Variants in IL23R observed in about 807,000 individuals in gnomAD.
The protein encoded by IL23R is interleukin-23 receptor.
In IL23R, 34 loss-of-function variants were observed where a neutral mutation model predicts 56.9. The ratio of observed to expected loss-of-function variants is 0.60; its 90% CI spans 0.45 to 0.80. IL23R has a LOEUF of 0.80. Ranked by LOEUF, IL23R falls within the 30% of genes least tolerant of loss-of-function variation. IL23R has a pLI of 0.00. For synonymous variants in IL23R, 230 were observed against 249.2 expected, an observed-to-expected ratio of 0.92 and a Z score of 0.73; for missense variants, 635 against 730.0, an observed-to-expected ratio of 0.87 and a Z score of 1.50.
At chr1:67,234,707 C>T (rs375731560) in intron 7 of IL23R, among the ~76,000 whole-genome samples, 20 of 117,548 alleles carry the variant, frequency 1.7e-4, no homozygotes, top group East Asian at 2.4e-4. Flanking sequence ...TATTTTTACT[C>T]TTTTTTTTTT....
intron 7 of IL23R, among the ~76,000 whole-genome samples, chr1:67,233,242 T>C (rs1310478224): frequency 6.9e-6 from 1 of 145,814 alleles, no homozygotes; most frequent in Admixed American, 7.0e-5. Flanking sequence ...GGCATGCTCC[T>C]GTAATCCCAG....
chr1:67,225,669 G>A (rs888485405), intron 7 of IL23R, among the ~76,000 whole-genome samples: 10 of 151,924 alleles, frequency 6.6e-5, no homozygotes, highest in Admixed American at 2.0e-4. Flanking sequence ...ACCACACCTG[G>A]CTATTTTTTT....
At chr1:67,256,051 CAT>C (rs1463636134) in intron 10 of IL23R, 124 bp downstream of exon 10, 5 of 631,600 alleles carry the variant, frequency 7.9e-6, no homozygotes, top group Non-Finnish European at 1.4e-5. Context: ...ATTATATAGA[CAT>C]GTGTAAAGAC....
chr1:67,233,447 A>T (rs1651241383), intron 7 of IL23R, among the ~76,000 whole-genome samples: 1 of 152,118 alleles, frequency 6.6e-6, no homozygotes, highest in Admixed American at 6.5e-5. Context: ...AGAAGAGCTG[A>T]GGTGATGATT....
At chr1:67,206,577 A>G (rs1372986322) in intron 5 of IL23R, among the ~76,000 whole-genome samples, 1 of 151,886 alleles carries the variant, frequency 6.6e-6, no homozygotes, top group Non-Finnish European at 1.5e-5. Context: ...CCTTTATCTC[A>G]TTTTTATACT....
At chr1:67,224,931 G>A (rs1304183165) in intron 7 of IL23R, among the ~76,000 whole-genome samples, 2 of 152,112 alleles carry the variant, frequency 1.3e-5, no homozygotes, top group Non-Finnish European at 2.9e-5. Flanking sequence ...CTCTATAAAA[G>A]GAGTGTAATT....
intron 4 of IL23R, among the ~76,000 whole-genome samples, chr1:67,184,077 T>C (rs1169320620): frequency 1.3e-5 from 2 of 151,006 alleles, no homozygotes; most frequent in East Asian, 1.9e-4. Context: ...CTACTAAAAA[T>C]ACAAAAATTA....
At chr1:67,186,737 G>C (rs1409225284) in intron 4 of IL23R, among the ~76,000 whole-genome samples, 1 of 152,032 alleles carries the variant, frequency 6.6e-6, no homozygotes, top group Non-Finnish European at 1.5e-5. Flanking sequence ...TCCTGTCTCA[G>C]CCTCCTGAGT....
intron 4 of IL23R, 97 bp from the exon 5 acceptor site, chr1:67,200,640 C>A (rs543789437): frequency 7.9e-6 from 10 of 1,267,862 alleles, no homozygotes; most frequent in East Asian, 2.4e-5. Context: ...CCCGCTTGGT[C>A]TCCCAAAATG....
chr1:67,144,139 T>C lies in IL23R; in HGVS notation c.-634+4978T>C, dbSNP rs542818457. Among the ~76,000 whole-genome samples the C allele has an allele frequency of 7.2e-4, 109 of 152,360 alleles. 4 individuals are homozygous for C. The South Asian group carries it at 0.022, about 31-fold the overall frequency. On this transcript the variant is annotated intron_variant, in intron 1 of 10. Coordinates refer to the IL23R transcript ENST00000637002. ...TGATGGTGAAGCTACTGTTACTATA[T>C]TGTGGGTTTTCAGAATGATTCTTTC...
intron 7 of IL23R, among the ~76,000 whole-genome samples, chr1:67,235,732 A>G (rs1278969903): frequency 2.6e-5 from 4 of 152,010 alleles, no homozygotes; most frequent in African/African-American, 7.3e-5. Flanking sequence ...CCCCGTAGAA[A>G]CCTTTTCATT....
chr1:67,263,532 C>T (rs150178747), downstream of IL23R, among the ~76,000 whole-genome samples: 1,062 of 152,210 alleles, frequency 7.0e-3, 14 homozygotes, highest in African/African-American at 0.024. Context: ...AGTCATTCTC[C>T]CTTTGACATA....
exon 1 of IL23R, chr1:67,139,080 C>T (rs1224785379): frequency 6.6e-6 from 1 of 152,324 alleles, no homozygotes; most frequent in Non-Finnish European, 1.5e-5. Context: ...GAGAGCTGGA[C>T]CTGGGCAGTA....
chr1:67,150,637 T>C (rs1646719824), intron 1 of IL23R, among the ~76,000 whole-genome samples: 1 of 137,230 alleles, frequency 7.3e-6, no homozygotes, highest in Non-Finnish European at 1.5e-5. Flanking sequence ...TGCACATGTA[T>C]CCTGGAACTT....
At chr1:67,154,043 C>T (rs903022885) in intron 1 of IL23R, among the ~76,000 whole-genome samples, 13 of 152,236 alleles carry the variant, frequency 8.5e-5, no homozygotes, top group African/African-American at 2.7e-4. Context: ...GCTGGGATTA[C>T]AGGCGTGAGC....
chr1:67,207,392 A>G (rs1384719515), intron 6 of IL23R, among the ~76,000 whole-genome samples: 1 of 152,056 alleles, frequency 6.6e-6, no homozygotes, highest in Non-Finnish European at 1.5e-5. Context: ...CCCAGTGTCT[A>G]TTATTGCCAT....
chr1:67,217,410 A>G (rs1558248673), intron 6 of IL23R, among the ~76,000 whole-genome samples: 1 of 152,146 alleles, frequency 6.6e-6, no homozygotes, highest in Non-Finnish European at 1.5e-5. Flanking sequence ...ACAGTTCCAT[A>G]ACGTTCTTCT....
chr1:67,171,757 G>A (rs1455284928), intron 3 of IL23R, among the ~76,000 whole-genome samples: 1 of 152,010 alleles, frequency 6.6e-6, no homozygotes, highest in African/African-American at 2.4e-5. Flanking sequence ...GGTATGTGGG[G>A]GCCTAGTGCA....
At chr1:67,197,772 T>C (rs1207211360) in intron 4 of IL23R, among the ~76,000 whole-genome samples, 3 of 152,004 alleles carry the variant, frequency 2.0e-5, no homozygotes, top group Non-Finnish European at 4.4e-5. Context: ...GGCAAAACCC[T>C]GTCTCTACAA....
Sources: gnomAD v4.1 joint callset for allele counts (sites outside exome capture counted in the v4.1 genomes callset) on GRCh38, gnomAD v4.1.1 for gene constraint, MANE v1.5 for transcripts, NCBI Gene and HGNC (gene_info 2026-07-23, HGNC 2026-07-21) for gene names.